The following MBD5 variants were observed in gnomAD, a reference collection of about 807,000 sequenced individuals.
MBD5 encodes methyl-CpG binding domain protein 5.
Under a neutral mutation model 117.3 loss-of-function variants are expected in MBD5, and 13 were observed. The observed-to-expected ratio is 0.11, with a 90% CI of 0.07 to 0.18. MBD5 has a LOEUF of 0.18. MBD5 is among the 10% of genes least tolerant of loss of function. The pLI is 1.00. For synonymous variants in MBD5, 727 were observed against 766.4 expected, an observed-to-expected ratio of 0.95 and a Z score of 0.85; for missense variants, 1,879 against 2,093.8, an observed-to-expected ratio of 0.90 and a Z score of 2.00.
intron 4 of MBD5, among the ~76,000 whole-genome samples, chr2:148,427,378 A>C (rs1705831974): frequency 6.6e-6 from 1 of 152,194 alleles, no homozygotes; most frequent in African/African-American, 2.4e-5. Context: ...CACTATTCAC[A>C]ATAGCAAAGA....
chr2:148,066,822 C>T (rs1404434311), intron 1 of MBD5, among the ~76,000 whole-genome samples: 1 of 152,166 alleles, frequency 6.6e-6, no homozygotes, highest in African/African-American at 2.4e-5. Flanking sequence ...GCTCTTTCTT[C>T]AATGCAGAAT....
intron 2 of MBD5, among the ~76,000 whole-genome samples, chr2:148,229,214 A>G (rs1174035318): frequency 1.3e-5 from 2 of 150,234 alleles, no homozygotes; most frequent in East Asian, 1.9e-4. Flanking sequence ...GTGTATTTTC[A>G]AACAGCCTAT....
chr2:148,176,402 TCTTG>T (rs1698389093), intron 1 of MBD5, among the ~76,000 whole-genome samples: 3 of 151,384 alleles, frequency 2.0e-5, no homozygotes, highest in South Asian at 4.2e-4. Context: ...ATAAGAATTT[TCTTG>T]CTTTTTTTTT....
At chr2:148,406,732 C>A (rs562877684) in intron 4 of MBD5, among the ~76,000 whole-genome samples, 9 of 152,330 alleles carry the variant, frequency 5.9e-5, no homozygotes, top group Middle Eastern at 3.4e-3. Context: ...CCTTCAGCTT[C>A]TAAAACATAC....
intron 4 of MBD5, among the ~76,000 whole-genome samples, chr2:148,447,909 T>C (rs1047369065): frequency 5.9e-5 from 9 of 152,144 alleles, no homozygotes; most frequent in Non-Finnish European, 8.8e-5. Flanking sequence ...CTTATCTGTT[T>C]GTTAAATTAG....
At chr2:148,215,826 C>T (rs1699540318) in intron 2 of MBD5, among the ~76,000 whole-genome samples, 1 of 151,532 alleles carries the variant, frequency 6.6e-6, no homozygotes, top group Non-Finnish European at 1.5e-5. Context: ...CCCAGCCAGA[C>T]CTTGGTTTTT....
chr2:148,104,708 T>C (rs1696323084), intron 1 of MBD5, among the ~76,000 whole-genome samples: 1 of 152,162 alleles, frequency 6.6e-6, no homozygotes, highest in Non-Finnish European at 1.5e-5. Context: ...AACTTGACTT[T>C]TGGGTGGACT....
chr2:148,173,261 C>T (rs1485024371), intron 1 of MBD5, among the ~76,000 whole-genome samples: 3 of 152,178 alleles, frequency 2.0e-5, no homozygotes, highest in African/African-American at 4.8e-5. Context: ...CATCTCCAAG[C>T]TTCCACGAGC....
At chr2:148,307,262 A>G (rs190981709) in intron 3 of MBD5, among the ~76,000 whole-genome samples, 51 of 152,304 alleles carry the variant, frequency 3.3e-4, no homozygotes, top group African/African-American at 1.1e-3. Context: ...AACAGACTAG[A>G]AAACTTTATT....
Position 148,246,947 on chromosome 2 carries a change from A to T in MBD5, c.-680+13552A>T, listed in dbSNP as rs1216525314. 3.3e-5 allele frequency among the ~76,000 whole-genome samples: 5 copies of T among 152,032 alleles called. 1 individual carries two copies. The highest frequency in any genetic ancestry group is 1.2e-4 in the African/African-American group (5 of 41,364). ...TTTTACCACCTAATACCTCTTTGTTATCCCATCCTTGAAATATAGTTAGTT... is the reference window on the plus strand; with the variant it reads ...TTTTACCACCTAATACCTCTTTGTTTTCCCATCCTTGAAATATAGTTAGTT... On this transcript the variant is annotated intron_variant, in intron 3 of 13. Transcript: ENST00000642680.
intron 1 of MBD5, among the ~76,000 whole-genome samples, chr2:148,156,432 C>A (rs1028432556): frequency 3.9e-5 from 6 of 152,206 alleles, no homozygotes; most frequent in Non-Finnish European, 7.3e-5. Context: ...GTCCCGCCAA[C>A]CTCATGAATT....
intron 4 of MBD5, among the ~76,000 whole-genome samples, chr2:148,439,535 C>A (rs1251420924): frequency 6.6e-6 from 1 of 152,064 alleles, no homozygotes; most frequent in Non-Finnish European, 1.5e-5. Flanking sequence ...ATTCTATACT[C>A]CTCATTCAAG....
At position 148,452,231 on chromosome 2, in the gene MBD5, C is replaced by A. The variant is rs189307395; in HGVS notation, c.-556-5972C>A. On this transcript the variant is annotated intron_variant, in intron 4 of 13. Coordinates refer to ENST00000642680, the MANE Select transcript of MBD5 (RefSeq NM_001378120.1). ...CACATTTAAGCCAAGCACGGTGGCT[C>A]GCACTTGTAATCCTAGCACTTTGGA... Among the ~76,000 whole-genome samples the A allele has an allele frequency of 3.2e-3, 486 of 152,246 alleles. 4 individuals carry two copies. Among genetic ancestry groups the A allele is most frequent in the African/African-American group, 0.011 (458 of 41,542 alleles).
chr2:148,154,527 C>T (rs866903827), intron 1 of MBD5, among the ~76,000 whole-genome samples: 1 of 152,214 alleles, frequency 6.6e-6, no homozygotes, highest in Non-Finnish European at 1.5e-5. Flanking sequence ...GCCCCTCCCC[C>T]AGCCTGGCTG....
At chr2:148,335,942 T>A (rs1305588494) in intron 3 of MBD5, among the ~76,000 whole-genome samples, 1 of 152,224 alleles carries the variant, frequency 6.6e-6, no homozygotes, top group Non-Finnish European at 1.5e-5. Flanking sequence ...AAAAGTCGAA[T>A]TCAAATTCAA....
intron 1 of MBD5, among the ~76,000 whole-genome samples, chr2:148,120,498 A>C (rs1444165918): frequency 6.6e-6 from 1 of 152,182 alleles, no homozygotes; most frequent in African/African-American, 2.4e-5. Flanking sequence ...TCACAGTGTA[A>C]GTCTAACACT....
intron 2 of MBD5, among the ~76,000 whole-genome samples, chr2:148,222,609 T>C (rs1699717946): frequency 6.6e-6 from 1 of 152,102 alleles, no homozygotes; most frequent in South Asian, 2.1e-4. Context: ...GGATTTTATA[T>C]CCTGCAACTT....
intron 4 of MBD5, among the ~76,000 whole-genome samples, chr2:148,364,936 G>C (rs1332483983): frequency 6.6e-6 from 1 of 152,196 alleles, no homozygotes; most frequent in African/African-American, 2.4e-5. Context: ...CAACAGGACA[G>C]AAAATTAACA....
chr2:148,157,903 A>G (rs75071162), intron 1 of MBD5, among the ~76,000 whole-genome samples: 2 of 152,206 alleles, frequency 1.3e-5, no homozygotes, highest in African/African-American at 2.4e-5. Flanking sequence ...ACTCATTAAT[A>G]TCTCAAAAAT....
Sources: allele counts gnomAD v4.1 joint callset (sites outside exome capture counted in the v4.1 genomes callset), GRCh38; gene constraint gnomAD v4.1.1; transcripts MANE v1.5; gene names NCBI Gene and HGNC (gene_info 2026-07-23, HGNC 2026-07-21).